NKAIN4: variants seen among roughly 807,000 people sequenced by gnomAD.
NKAIN4 encodes sodium/potassium-transporting ATPase subunit beta-1-interacting protein 4.
A neutral mutation model predicts 28.8 loss-of-function variants in NKAIN4; 28 were observed. That is an observed-to-expected ratio of 0.97 (90% CI 0.72 to 1.33). The LOEUF (loss-of-function observed/expected upper bound fraction) is 1.33. Among genes scored for constraint, NKAIN4 ranks in the 40% most tolerant of loss-of-function variants. The pLI is 0.00. For synonymous variants in NKAIN4, 122 were observed against 115.6 expected, an observed-to-expected ratio of 1.06 and a Z score of -0.36; for missense variants, 289 against 277.2, an observed-to-expected ratio of 1.04 and a Z score of -0.30.
rs201014841 is a variant in NKAIN4 at position 63,248,890 on chromosome 20, C to T, written c.198G>A (p.Thr66=). The change falls in exon 3 of 7, where the codon ACG becomes ACA. Residue 66 remains threonine, a synonymous_variant. Transcript: ENST00000370316. ...QYRLRYVMVY[T]LWAAVWVTWN... is the part of the protein sequence containing the mutation. The stretch of plus-strand genomic sequence containing the variant: ...AGGTGACCCAGACGGCTGCCCACAG[C>T]GTGTACTAGGGAGAGGAGAGGATGG... The T allele has an allele frequency of 2.2e-5, 35 of 1,611,368 alleles. No individual in the cohort carries two copies. The highest frequency in any genetic ancestry group is 9.9e-5 in the South Asian group (9 of 91,056).
chr20:63,250,681 G>A (rs930470914), intron 1 of NKAIN4, among the ~76,000 whole-genome samples: 1 of 152,140 alleles, frequency 6.6e-6, no homozygotes, highest in African/African-American at 2.4e-5. Context: ...ACAGGGCCGA[G>A]AGAGAACCAA....
Position 63,245,063 on chromosome 20 carries a change from G to T in NKAIN4, c.472-979C>A, listed in dbSNP as rs2066831307. On this transcript the variant is annotated intron_variant, in intron 4 of 6. Coordinates refer to ENST00000370316, the MANE Select transcript of NKAIN4 (RefSeq NM_152864.4). The surrounding 1 kb of genome is among the most constrained non-coding windows in gnomAD (Gnocchi z 4.7). The stretch of plus-strand genomic sequence containing the variant: ...AGAGGAGACAGGACACGCAGGCCAG[G>T]CCCCAGGGCTGGACATGCTTGGGCT... Among the ~76,000 whole-genome samples the T allele has an allele frequency of 1.3e-5, 2 of 152,168 alleles. No homozygotes were observed.
intron 1 of NKAIN4, 174 bp downstream of exon 1, chr20:63,254,223 C>A (rs1012593587): frequency 1.9e-6 from 1 of 513,630 alleles, no homozygotes. Context: ...CCCCACGCCC[C>A]GCAGGCGACG....
chr20:63,248,291 C>A, intron 3 of NKAIN4: 1 of 168,590 alleles, frequency 5.9e-6, no homozygotes, highest in Non-Finnish European at 1.3e-5. Flanking sequence ...AGCAAAGTGC[C>A]TGAAACAGCC....
intron 1 of NKAIN4, among the ~76,000 whole-genome samples, chr20:63,251,888 C>T (rs1470490567): frequency 1.3e-5 from 2 of 152,168 alleles, no homozygotes; most frequent in African/African-American, 4.8e-5. Context: ...TCAGGCCTCC[C>T]CATCGTGCCC....
intron 3 of NKAIN4, chr20:63,248,594 C>T (rs1039228954): frequency 1.9e-6 from 1 of 521,548 alleles, no homozygotes; most frequent in East Asian, 3.3e-5. Flanking sequence ...CCAATACCCA[C>T]AGACGCCTTT....
At chr20:63,241,648 G>T in intron 6 of NKAIN4, 142 bp from the exon 7 acceptor site, 1 of 757,932 alleles carries the variant, frequency 1.3e-6, no homozygotes, top group Non-Finnish European at 2.4e-6. Flanking sequence ...GAAAGGAGAT[G>T]GGTGGGACTG....
At chr20:63,254,541 C>T (rs2067018506), upstream of NKAIN4, 2 of 904,934 alleles carry the variant, frequency 2.2e-6, no homozygotes. Flanking sequence ...GCCTGGACCC[C>T]GCCCCCTCCG....
intron 1 of NKAIN4, 48 bp from the exon 2 acceptor site, chr20:63,250,120 A>G: frequency 4.6e-6 from 7 of 1,518,480 alleles, no homozygotes; most frequent in Non-Finnish European, 6.2e-6. Flanking sequence ...GGGAGGCCCC[A>G]GGCCCGCCAG....
At chr20:63,247,360 C>T (rs1033781372) in intron 4 of NKAIN4, 5 of 1,511,356 alleles carry the variant, frequency 3.3e-6, no homozygotes, top group Non-Finnish European at 4.4e-6. Flanking sequence ...GTTGGCCCCG[C>T]CTGGGGGAGG....
chr20:63,249,921 G>A lies in NKAIN4; in HGVS notation c.192+14C>T. On this transcript the variant is annotated intron_variant, in intron 2 of 6. Coordinates refer to ENST00000370316, the MANE Select transcript of NKAIN4 (RefSeq NM_152864.4). ...ACCCACCTGCCCATAAAGAGGGCCG[G>A]GCCCAGGACTCACCACCATGACATA... 6.2e-7 allele frequency: 1 copy of A among 1,606,128 alleles called. No homozygotes were observed. The highest frequency in any genetic ancestry group is 8.5e-7 in the Non-Finnish European group (1 of 1,177,036).
rs1321932554 is a variant in NKAIN4, at chr20:63,245,490, C to A, written c.472-1406G>T. The stretch of plus-strand genomic sequence containing the variant: ...CACCTCTGTCCCACACCCCCATGCT[C>A]CCCGCCCTGCACACCACCGCCTCCT... On this transcript the variant is annotated intron_variant, in intron 4 of 6. Transcript: ENST00000370316. This position sits in a 1 kb window ranked among gnomAD's most constrained non-coding sequence, Gnocchi z 4.7. 2.0e-5 allele frequency among the ~76,000 whole-genome samples: 3 copies of A among 152,072 alleles called. No homozygotes were observed. Among genetic ancestry groups the A allele is most frequent in the Non-Finnish European group, 4.4e-5 (3 of 68,006 alleles).
chr20:63,244,371 C>G, intron 4 of NKAIN4: 1 of 531,156 alleles, frequency 1.9e-6, no homozygotes, highest in Non-Finnish European at 3.6e-6. Context: ...GCAGGTCAGC[C>G]TGAGTGGCTG....
upstream of NKAIN4, chr20:63,254,626 CT>C: frequency 2.2e-6 from 1 of 450,366 alleles, no homozygotes; most frequent in Non-Finnish European, 3.6e-6. Context: ...TGCGTCTCCC[CT>C]CCCACCCCCG....
intron 6 of NKAIN4, 55 bp from the exon 7 acceptor site, chr20:63,241,561 G>A: frequency 5.3e-6 from 8 of 1,503,482 alleles, no homozygotes; most frequent in Non-Finnish European, 7.2e-6. Context: ...GCAGCCACTG[G>A]GGGCTGCCAC....
At chr20:63,241,535 G>A (rs2066751046) in intron 6 of NKAIN4, 29 bp from the exon 7 acceptor site, 1 of 1,549,000 alleles carries the variant, frequency 6.5e-7, no homozygotes, top group Non-Finnish European at 8.7e-7. Flanking sequence ...AGAGCACCTG[G>A]GGGAACAGGG....
chr20:63,247,782 G>A lies in NKAIN4; in HGVS notation c.274-7C>T, dbSNP rs1280868763. Reference sequence around the variant, plus strand: ...AGGTCAGTAGCTCGCTGTCCTAGGGGAGAGGTGCAGGAGCAGGGCCGGTTA... The same window carrying A: ...AGGTCAGTAGCTCGCTGTCCTAGGGAAGAGGTGCAGGAGCAGGGCCGGTTA... On this transcript the variant is annotated splice_region_variant and splice_polypyrimidine_tract_variant and intron_variant, in intron 3 of 6. Transcript: ENST00000370316. The A allele has an allele frequency of 7.6e-6, 11 of 1,447,634 alleles. No homozygotes were observed. The highest frequency in any genetic ancestry group is 1.0e-5 in the Non-Finnish European group (11 of 1,096,034). The allele number at this position is 1,447,634 out of a possible 1,614,324, so 89.7% of individuals were successfully genotyped here.
In NKAIN4 at chr20:63,252,009, C is replaced by T. The variant is rs1048408069; in HGVS notation, c.55-1937G>A. 2.6e-5 allele frequency among the ~76,000 whole-genome samples: 4 copies of T among 152,134 alleles called. No homozygotes were observed. Among genetic ancestry groups the T allele is most frequent in the African/African-American group, 7.2e-5 (3 of 41,438 alleles). On this transcript the variant is annotated intron_variant, in intron 1 of 6. Coordinates refer to ENST00000370316, the MANE Select transcript of NKAIN4 (RefSeq NM_152864.4). The surrounding 1 kb of genome is among the most constrained non-coding windows in gnomAD (Gnocchi z 4.6). Reference sequence around the variant, plus strand: ...TTGCCCTGGCCCACTTTGCCTACGCCGGGCACAGTTCTGTGAGGTCTGGGC... The same window carrying T: ...TTGCCCTGGCCCACTTTGCCTACGCTGGGCACAGTTCTGTGAGGTCTGGGC...
At chr20:63,247,349 G>C (rs1411221423) in intron 4 of NKAIN4, 5 of 1,499,298 alleles carry the variant, frequency 3.3e-6, no homozygotes, top group Non-Finnish European at 4.4e-6. Context: ...AAAGCGCCTG[G>C]GTTGGCCCCG....
Sources: gnomAD v4.1 joint callset for allele counts (sites outside exome capture counted in the v4.1 genomes callset) on GRCh38, gnomAD v4.1.1 for gene constraint, Gnocchi (gnomAD v3.1) non-coding constraint, MANE v1.5 for transcripts, NCBI Gene and HGNC (gene_info 2026-07-23, HGNC 2026-07-21) for gene names.